Variants in IDE observed in about 807,000 individuals in gnomAD.
IDE encodes the protein insulin-degrading enzyme.
A neutral mutation model predicts 133.2 loss-of-function variants in IDE; 58 were observed. The observed-to-expected ratio is 0.44, with a 90% CI of 0.35 to 0.54. The LOEUF (loss-of-function observed/expected upper bound fraction) is 0.54, where lower values mean the gene tolerates loss of function less well. Among genes scored for constraint, IDE ranks in the 20% least tolerant of loss-of-function variants. The pLI, the probability that IDE is intolerant of heterozygous loss-of-function variation, is 0.00. For synonymous variants in IDE, 396 were observed against 421.3 expected, an observed-to-expected ratio of 0.94 and a Z score of 0.73; for missense variants, 981 against 1,234.0, an observed-to-expected ratio of 0.79 and a Z score of 3.07.
intron 23 of IDE, among the ~76,000 whole-genome samples, chr10:92,455,845 G>A (rs954865479): frequency 6.6e-6 from 1 of 152,116 alleles, no homozygotes; most frequent in African/African-American, 2.4e-5. Flanking sequence ...CCCAGTGATG[G>A]CTCATGATAT....
intron 4 of IDE, among the ~76,000 whole-genome samples, chr10:92,521,158 G>A (rs1364290542): frequency 6.6e-6 from 1 of 152,088 alleles, no homozygotes; most frequent in Non-Finnish European, 1.5e-5. Context: ...CAAAAGAGAT[G>A]GAATAATAGA....
chr10:92,569,083 G>A (rs1843678609), intron 1 of IDE, among the ~76,000 whole-genome samples: 2 of 152,160 alleles, frequency 1.3e-5, no homozygotes, highest in Non-Finnish European at 2.9e-5. Context: ...TGAGAAAAAG[G>A]AAGAGTAATT....
chr10:92,569,501 T>C (rs1472162807), intron 1 of IDE, among the ~76,000 whole-genome samples: 2 of 152,172 alleles, frequency 1.3e-5, no homozygotes, highest in East Asian at 3.9e-4. Context: ...TGAACTAGGA[T>C]GGTGATGAGG....
intron 1 of IDE, chr10:92,559,007 C>T (rs1251869879): frequency 6.6e-6 from 1 of 150,496 alleles, no homozygotes; most frequent in Non-Finnish European, 1.5e-5. Flanking sequence ...ATATAAATGG[C>T]CAAGAAGCAT....
At chr10:92,484,918 T>C (rs1398546672) in intron 13 of IDE, among the ~76,000 whole-genome samples, 1 of 151,650 alleles carries the variant, frequency 6.6e-6, no homozygotes, top group Non-Finnish European at 1.5e-5. Context: ...TAGCTGGGCG[T>C]GGTGGTGGGT....
At chr10:92,516,818 T>G (rs893319433) in intron 4 of IDE, among the ~76,000 whole-genome samples, 45 of 152,232 alleles carry the variant, frequency 3.0e-4, no homozygotes, top group South Asian at 4.1e-4. Flanking sequence ...ATGTATGTAG[T>G]GTACCACTAA....
chr10:92,494,060 G>T (rs1044300573), intron 11 of IDE, among the ~76,000 whole-genome samples: 1 of 152,006 alleles, frequency 6.6e-6, no homozygotes, highest in Admixed American at 6.6e-5. Flanking sequence ...ACCATCTGCC[G>T]AAAATCTAAT....
At chr10:92,569,175 G>A (rs1168334549) in intron 1 of IDE, among the ~76,000 whole-genome samples, 3 of 152,332 alleles carry the variant, frequency 2.0e-5, no homozygotes, top group Middle Eastern at 6.8e-3. Context: ...CTCGGAATTG[G>A]GAATGAATAG....
At position 92,537,533 on chromosome 10, in the gene IDE, TA is replaced by T; in HGVS notation, c.115del (p.Tyr39ThrfsTer4). The T allele has an allele frequency of 6.3e-7, 1 of 1,593,560 alleles. No individual in the cohort carries two copies. On this transcript the variant is annotated frameshift_variant, in exon 2 of 25. Coordinates refer to ENST00000265986, the MANE Select transcript of IDE (RefSeq NM_004969.4). LOFTEE classifies it high-confidence loss of function. Reference protein sequence around the residue: ...ERLCGFQKKTYSKMNNPAIKR... With the variant: ...ERLCGFQKKTXSKMNNPAIKR... ...GATGGCTGGATTATTCATTTTGCTG[TA>T]AGTCTTTTTTTGGAAACTGAAAAGA...
intron 11 of IDE, among the ~76,000 whole-genome samples, chr10:92,499,472 G>A (rs530649385): frequency 2.2e-4 from 33 of 152,048 alleles, no homozygotes; most frequent in Non-Finnish European, 4.3e-4. Context: ...TCACCCTGTT[G>A]CCCAGGCTGG....
At chr10:92,475,095 T>C (rs1457045479) in intron 16 of IDE, 134 bp from the exon 17 acceptor site, 2 of 668,646 alleles carry the variant, frequency 3.0e-6, no homozygotes, top group Admixed American at 3.3e-5. Flanking sequence ...TTTCTGAAGT[T>C]ATATAATTAA....
intron 1 of IDE, among the ~76,000 whole-genome samples, chr10:92,563,949 G>A (rs1047040456): frequency 1.3e-5 from 2 of 152,076 alleles, no homozygotes; most frequent in African/African-American, 4.8e-5. Flanking sequence ...TAATTCCCAA[G>A]TACTTACAAT....
chr10:92,454,373 A>C lies in IDE; in HGVS notation c.*71T>G. 1 of 1,038,820 alleles carries C rather than the reference A, an allele frequency of 9.6e-7. No homozygotes were observed. Among genetic ancestry groups the C allele is most frequent in the Non-Finnish European group, 1.5e-6 (1 of 658,586 alleles). 64.4% of individuals were successfully genotyped at this position (1,038,820 alleles called of 1,614,324 possible). ...TGAATCAGAAACTATTAAAGTGGCC[A>C]AGATGATTTTCTTAGGCTCTGGAAG... On this transcript the variant is annotated 3_prime_UTR_variant, in exon 25 of 25. Transcript: ENST00000265986.
chr10:92,474,841 C>T lies in IDE; in HGVS notation c.2116G>A (p.Asp706Asn), dbSNP rs1359140261. ...TKDELKEALDDVTLPRLKAFI... is the reference protein window; with the variant it reads ...TKDELKEALDNVTLPRLKAFI... The stretch of plus-strand genomic sequence containing the variant: ...TTAAGCTTTAAGTAGAAAGTCTCAC[C>T]ATCCAGAGCTTCTTTTAACTCATCT... Residue 706 changes from aspartate (D) to asparagine (N), a missense_variant and splice_region_variant, in exon 17 of 25, where the codon GAT becomes AAT. By Grantham distance (23) the Asp-to-Asn change is conservative. Coordinates refer to ENST00000265986, the MANE Select transcript of IDE (RefSeq NM_004969.4). The T allele has an allele frequency of 6.2e-7, 1 of 1,603,608 alleles. No individual in the cohort carries two copies. The highest frequency in any genetic ancestry group is 8.5e-7 in the Non-Finnish European group (1 of 1,177,340).
chr10:92,490,942 A>G (rs774437444), intron 11 of IDE, among the ~76,000 whole-genome samples: 4 of 152,244 alleles, frequency 2.6e-5, no homozygotes, highest in Non-Finnish European at 5.9e-5. Flanking sequence ...ACAGTCCTAA[A>G]AAAAGCAAAG....
At chr10:92,505,230 T>C (rs1353796316) in intron 10 of IDE, among the ~76,000 whole-genome samples, 2 of 152,238 alleles carry the variant, frequency 1.3e-5, no homozygotes, top group African/African-American at 2.4e-5. Context: ...AAATTCGATA[T>C]TAAAATGCTG....
intron 1 of IDE, among the ~76,000 whole-genome samples, chr10:92,562,100 G>A (rs954542863): frequency 5.9e-5 from 9 of 152,150 alleles, no homozygotes; most frequent in African/African-American, 1.2e-4. Context: ...AGGAATGTGG[G>A]CCCACTGTTA....
At chr10:92,558,618 G>A (rs1041666424) in intron 1 of IDE, among the ~76,000 whole-genome samples, 1 of 152,030 alleles carries the variant, frequency 6.6e-6, no homozygotes, top group Non-Finnish European at 1.5e-5. Context: ...TTTGAAGATG[G>A]AGTTTCACTC....
intron 1 of IDE, among the ~76,000 whole-genome samples, chr10:92,540,955 G>A (rs1276524075): frequency 1.3e-5 from 2 of 152,150 alleles, no homozygotes; most frequent in Non-Finnish European, 2.9e-5. Context: ...ATTTGCAAAT[G>A]ATCAGAATCC....
Sources: allele counts gnomAD v4.1 joint callset (sites outside exome capture counted in the v4.1 genomes callset), GRCh38; gene constraint gnomAD v4.1.1; transcripts MANE v1.5; gene names NCBI Gene and HGNC (gene_info 2026-07-23, HGNC 2026-07-21).